The following NEGR1 variants were observed in gnomAD, a reference collection of about 807,000 sequenced individuals.
The protein encoded by NEGR1 is IgLON family member 4.
Under a neutral mutation model 40.9 loss-of-function variants are expected in NEGR1, and 10 were observed. The ratio of observed to expected loss-of-function variants is 0.24; its 90% CI spans 0.15 to 0.42. The LOEUF is 0.42. Among genes scored for constraint, NEGR1 ranks in the 10% least tolerant of loss-of-function variants. The pLI is 1.00. For synonymous variants in NEGR1, 185 were observed against 166.8 expected (o/e 1.11, Z -0.84); for missense variants, 352 against 438.9 (o/e 0.80, Z 1.77).
chr1:71,581,217 T>C (rs1447390501), intron 6 of NEGR1, among the ~76,000 whole-genome samples: 3 of 152,246 alleles, frequency 2.0e-5, no homozygotes, highest in East Asian at 3.9e-4. Context: ...AAATCAGCCA[T>C]GGTGGGAATG....
chr1:71,597,472 C>CTGTGTGTGTGTGTGTG lies in NEGR1; in HGVS notation c.789-4520_789-4505dup, dbSNP rs1553152644. The stretch of plus-strand genomic sequence containing the variant: ...TCTCTCTCTCTCTCTCTCTCTCTCT[C>CTGTGTGTGTGTGTGTG]TGTGTGTGTGTGTGTGTGTGTGTGT... On this transcript the variant is annotated intron_variant, in intron 5 of 6. Transcript: ENST00000357731. Among the ~76,000 whole-genome samples, 170 of 31,310 alleles carry CTGTGTGTGTGTGTGTG rather than the reference C, an allele frequency of 5.4e-3. 6 individuals are homozygous for CTGTGTGTGTGTGTGTG. The highest frequency in any genetic ancestry group is 6.1e-3 in the African/African-American group (61 of 9,932). 20.5% of individuals were successfully genotyped at this position (31,310 alleles called of 152,430 possible).
intron 6 of NEGR1, among the ~76,000 whole-genome samples, chr1:71,454,045 A>T (rs1646652163): frequency 6.6e-6 from 1 of 152,188 alleles, no homozygotes; most frequent in Non-Finnish European, 1.5e-5. Context: ...GCCATAATTC[A>T]TGAGCTCACT....
chr1:71,476,889 C>T (rs1646824964), intron 6 of NEGR1: 1 of 152,054 alleles, frequency 6.6e-6, no homozygotes, highest in African/African-American at 2.4e-5. Flanking sequence ...AGGAGTACAA[C>T]AGATTTCAAT....
chr1:71,678,565 G>C (rs1407548716), intron 4 of NEGR1, among the ~76,000 whole-genome samples: 2 of 152,142 alleles, frequency 1.3e-5, no homozygotes, highest in Non-Finnish European at 1.5e-5. Context: ...AGCAAGTCTA[G>C]TTTAAATGGC....
chr1:71,629,628 A>G lies in NEGR1; in HGVS notation c.668-18482T>C, dbSNP rs573753819. 2.4e-4 allele frequency among the ~76,000 whole-genome samples: 36 copies of G among 152,056 alleles called. 1 individual carries two copies. Among genetic ancestry groups the G allele is most frequent in the Admixed American group, 2.0e-3 (31 of 15,228 alleles). ...TCTGGCCGGGGCAATCAGGCTAGAGAAAGAAATAAAGGTATTCAAATAGGA... is the reference window on the plus strand; with the variant it reads ...TCTGGCCGGGGCAATCAGGCTAGAGGAAGAAATAAAGGTATTCAAATAGGA... On this transcript the variant is annotated intron_variant, in intron 4 of 6. Coordinates refer to ENST00000357731, the MANE Select transcript of NEGR1 (RefSeq NM_173808.3).
At chr1:72,105,238 A>C (rs1268542342) in intron 1 of NEGR1, among the ~76,000 whole-genome samples, 1 of 152,066 alleles carries the variant, frequency 6.6e-6, no homozygotes, top group East Asian at 1.9e-4. Context: ...CCTTCAACTA[A>C]TCCACTTTGA....
chr1:71,803,451 G>T (rs1394121886), intron 2 of NEGR1, among the ~76,000 whole-genome samples: 1 of 152,140 alleles, frequency 6.6e-6, no homozygotes, highest in Non-Finnish European at 1.5e-5. Context: ...GGTATAGTCT[G>T]TCCAATGGCT....
chr1:71,993,044 A>G (rs1301689473), intron 1 of NEGR1, among the ~76,000 whole-genome samples: 1 of 152,166 alleles, frequency 6.6e-6, no homozygotes, highest in African/African-American at 2.4e-5. Flanking sequence ...ATCTGCTTTC[A>G]GAGGTTTCCT....
intron 2 of NEGR1, among the ~76,000 whole-genome samples, chr1:71,922,469 C>CA (rs1244448811): frequency 1.3e-5 from 2 of 152,062 alleles, no homozygotes; most frequent in Admixed American, 6.6e-5. Context: ...TAGAAGTTTT[C>CA]AAAAAATATA....
At chr1:72,232,218 G>A (rs148713613) in intron 1 of NEGR1, among the ~76,000 whole-genome samples, 7 of 151,988 alleles carry the variant, frequency 4.6e-5, no homozygotes, top group East Asian at 1.9e-4. Context: ...TTATCTGGGC[G>A]TGGTGGTGCG....
At chr1:71,827,531 A>G (rs1318888556) in intron 2 of NEGR1, among the ~76,000 whole-genome samples, 1 of 151,950 alleles carries the variant, frequency 6.6e-6, no homozygotes, top group African/African-American at 2.4e-5. Flanking sequence ...ATACAAAAAA[A>G]GAGAAGAATA....
chr1:71,975,824 C>A (rs1646297946), intron 1 of NEGR1, among the ~76,000 whole-genome samples: 1 of 152,204 alleles, frequency 6.6e-6, no homozygotes, highest in African/African-American at 2.4e-5. Flanking sequence ...AGATCCCTCC[C>A]AGCTCAAAAC....
intron 2 of NEGR1, among the ~76,000 whole-genome samples, chr1:71,907,487 T>C (rs927794090): frequency 1.3e-5 from 2 of 152,086 alleles, no homozygotes; most frequent in African/African-American, 2.4e-5. Flanking sequence ...TGGATGGCTA[T>C]TACTAAAAAG....
intron 6 of NEGR1, among the ~76,000 whole-genome samples, chr1:71,540,564 C>T (rs1466465313): frequency 6.6e-6 from 1 of 151,668 alleles, no homozygotes; most frequent in Non-Finnish European, 1.5e-5. Flanking sequence ...TCTCCAAGGG[C>T]TTAGCAAAAG....
chr1:71,706,699 C>T (rs147345001), intron 3 of NEGR1, among the ~76,000 whole-genome samples: 76 of 152,000 alleles, frequency 5.0e-4, no homozygotes, highest in African/African-American at 1.8e-3. Flanking sequence ...CAAAAGGCCC[C>T]CATTCCAGGC....
At chr1:71,679,358 A>G (rs1479537968) in intron 4 of NEGR1, among the ~76,000 whole-genome samples, 2 of 152,300 alleles carry the variant, frequency 1.3e-5, no homozygotes, top group East Asian at 3.9e-4. Flanking sequence ...ATTTATAATG[A>G]CTTTTCATAT....
intron 1 of NEGR1, among the ~76,000 whole-genome samples, chr1:72,205,756 CAAAAAAAAAAAAAAAA>C (rs35490878): frequency 3.2e-5 from 1 of 30,886 alleles, no homozygotes; most frequent in Non-Finnish European, 6.3e-5. Context: ...CCCATTTCTA[CAAAAAAAAAAAAAAAA>C]AAAAAAAAAA....
intron 2 of NEGR1, among the ~76,000 whole-genome samples, chr1:71,810,546 A>G (rs1459957401): frequency 6.6e-6 from 1 of 152,124 alleles, no homozygotes; most frequent in African/African-American, 2.4e-5. Context: ...ATATTGTTTA[A>G]GATTTGTCAA....
At chr1:71,940,202 G>A (rs768988856) in intron 1 of NEGR1, among the ~76,000 whole-genome samples, 5 of 152,088 alleles carry the variant, frequency 3.3e-5, no homozygotes, top group African/African-American at 4.8e-5. Context: ...TGATCTTAAG[G>A]TCCCTTTGAA....
Sources: gnomAD v4.1 joint callset for allele counts (sites outside exome capture counted in the v4.1 genomes callset) on GRCh38, gnomAD v4.1.1 for gene constraint, MANE v1.5 for transcripts, NCBI Gene and HGNC (gene_info 2026-07-23, HGNC 2026-07-21) for gene names.